Variants in MPRIP observed in about 807,000 individuals in gnomAD.
MPRIP encodes the protein myosin phosphatase Rho-interacting protein.
A neutral mutation model predicts 234.9 loss-of-function variants in MPRIP; 59 were observed. The ratio of observed to expected loss-of-function variants is 0.25; its 90% CI spans 0.20 to 0.31. The LOEUF is 0.31. Among genes scored for constraint, MPRIP ranks in the 10% least tolerant of loss-of-function variants. The pLI is 1.00. For missense variants in MPRIP, 2,436 were observed against 3,071.0 expected (o/e 0.79, Z 4.89); for synonymous variants, 1,144 against 1,263.9 (o/e 0.91, Z 2.01).
chr17:17,154,270 G>T, intron 12 of MPRIP, 36 bp from the exon 13 acceptor site: 2 of 1,587,536 alleles, frequency 1.3e-6, no homozygotes, highest in South Asian at 2.2e-5. Context: ...CACCCTAGGG[G>T]ACAGTCACTG....
At chr17:17,065,742 A>G (rs1185721727) in intron 1 of MPRIP, among the ~76,000 whole-genome samples, 2 of 152,154 alleles carry the variant, frequency 1.3e-5, no homozygotes, top group African/African-American at 2.4e-5. Context: ...GTTAAACTGA[A>G]TATCAGTTGG....
At chr17:17,139,865 C>T (rs531221669) in intron 7 of MPRIP, among the ~76,000 whole-genome samples, 7 of 152,320 alleles carry the variant, frequency 4.6e-5, no homozygotes, top group South Asian at 2.1e-4. Context: ...CCAGGGTGCT[C>T]TGCTAAGCAC....
At chr17:17,055,013 G>A in intron 1 of MPRIP, among the ~76,000 whole-genome samples, 1 of 151,190 alleles carries the variant, frequency 6.6e-6, no homozygotes, top group African/African-American at 2.4e-5. Context: ...TCACGCCACT[G>A]CACTCCAACC....
chr17:17,074,071 A>G (rs1802520603), intron 1 of MPRIP, among the ~76,000 whole-genome samples: 1 of 152,222 alleles, frequency 6.6e-6, no homozygotes, highest in South Asian at 2.1e-4. Context: ...GGCCTCTGGC[A>G]CGTGGCCTGC....
Position 17,167,192 on chromosome 17 carries a change from G to A in MPRIP, c.5601G>A (p.Lys1867=). ...ATGAGAAGGAGCTCCAGCTCTGCAA[G>A]GAGTCCTGGCAAACCCGGGAGCCCT... ...LEYEKELQLC[K]ESWQTREPSC... Residue 1867 remains lysine, a synonymous_variant, in exon 16 of 24, where the codon AAG becomes AAA. Coordinates refer to ENST00000651222, the MANE Select transcript of MPRIP (RefSeq NM_001364716.4). This position sits in a 1 kb window ranked among gnomAD's most constrained non-coding sequence, Gnocchi z 5.9. The A allele has an allele frequency of 7.7e-7, 1 of 1,304,110 alleles. No individual in the cohort carries two copies. The highest frequency in any genetic ancestry group is 1.0e-6 in the Non-Finnish European group (1 of 988,934). 80.8% of individuals were successfully genotyped at this position (1,304,110 alleles called of 1,614,324 possible).
rs1283401061 is a variant in MPRIP at position 17,166,278 on chromosome 17, A to T, written c.4687A>T (p.Arg1563Trp). ...QSELTEQEQV[R>W]LLSDQIALEA... is the part of the protein sequence containing the mutation. ...TGAGTTGACAGAGCAGGAGCAGGTG[A>T]GGCTTCTTTCTGACCAGATTGCTCT... Residue 1563 changes from arginine (R) to tryptophan (W), a missense_variant, in exon 16 of 24, where the codon AGG becomes TGG. Physicochemically the swap from Arg to Trp is moderately radical, Grantham distance 101. This residue lies in a region of MPRIP where 1,998 missense variants were observed against 2,520.3 expected (regional missense o/e 0.79). Transcript: ENST00000651222. The surrounding 1 kb of genome is among the most constrained non-coding windows in gnomAD (Gnocchi z 4.4). 22 of 1,304,276 alleles carry T rather than the reference A, an allele frequency of 1.7e-5. No homozygotes were observed. Among genetic ancestry groups the T allele is most frequent in the Non-Finnish European group, 2.2e-5 (22 of 988,944 alleles). 80.8% of individuals were successfully genotyped at this position (1,304,276 alleles called of 1,614,324 possible).
intron 1 of MPRIP, among the ~76,000 whole-genome samples, chr17:17,044,296 C>A (rs1597702757): frequency 6.6e-6 from 1 of 152,196 alleles, no homozygotes; most frequent in African/African-American, 2.4e-5. Context: ...TAAAGGAGAA[C>A]TTGATTCCTT....
At chr17:17,069,428 G>A (rs1005033660) in intron 1 of MPRIP, among the ~76,000 whole-genome samples, 7 of 148,772 alleles carry the variant, frequency 4.7e-5, no homozygotes, top group African/African-American at 1.7e-4. Context: ...AAATATTTAC[G>A]GATAACTTAG....
In MPRIP at chr17:17,075,829, G is replaced by A. The variant is rs1466507231; in HGVS notation, c.201+42G>A. On this transcript the variant is annotated intron_variant, in intron 2 of 23. Transcript: ENST00000651222. Reference sequence around the variant, plus strand: ...CAACTCTCAGGGAGGAACCAGAGAAGGGACCCATCTAAGGGTGAACTGGCA... The same window carrying A: ...CAACTCTCAGGGAGGAACCAGAGAAAGGACCCATCTAAGGGTGAACTGGCA... The A allele has an allele frequency of 1.9e-6, 3 of 1,587,398 alleles. No homozygotes were observed. The Admixed American group carries it at 5.0e-5, about 27-fold the overall frequency.
chr17:17,129,095 G>A (rs1004939784), intron 4 of MPRIP, among the ~76,000 whole-genome samples: 1 of 152,124 alleles, frequency 6.6e-6, no homozygotes, highest in East Asian at 1.9e-4. Flanking sequence ...GTGGGCTGCC[G>A]GGTCTCTCCT....
intron 19 of MPRIP, 78 bp from the exon 20 acceptor site, chr17:17,175,215 A>G (rs1167434038): frequency 6.2e-7 from 1 of 1,604,864 alleles, no homozygotes; most frequent in East Asian, 2.2e-5. Context: ...AACCTAGGGA[A>G]ATGGCCTTCC....
intron 3 of MPRIP, among the ~76,000 whole-genome samples, chr17:17,094,277 A>G (rs2144167041): frequency 6.6e-6 from 1 of 152,286 alleles, no homozygotes; most frequent in East Asian, 1.9e-4. Flanking sequence ...TGGCTGTAGA[A>G]TGTTAGATGG....
At chr17:17,055,071 T>C (rs2143874742) in intron 1 of MPRIP, among the ~76,000 whole-genome samples, 1 of 152,018 alleles carries the variant, frequency 6.6e-6, no homozygotes, top group Non-Finnish European at 1.5e-5. Context: ...AAAATTTCTT[T>C]TTTTTTTAGA....
At chr17:17,150,102 T>A (rs369256400) in intron 11 of MPRIP, 42 bp from the exon 12 acceptor site, 1 of 1,499,682 alleles carries the variant, frequency 6.7e-7, no homozygotes, top group Admixed American at 1.7e-5. Flanking sequence ...GCATTGGTTC[T>A]ACTTCCTAAA....
chr17:17,062,620 C>T (rs1457927884), intron 1 of MPRIP, among the ~76,000 whole-genome samples: 1 of 152,224 alleles, frequency 6.6e-6, no homozygotes, highest in African/African-American at 2.4e-5. Context: ...AGCAGCGGAG[C>T]CATGAAGGCC....
chr17:17,093,437 A>G (rs574064932), intron 3 of MPRIP, among the ~76,000 whole-genome samples: 17 of 152,276 alleles, frequency 1.1e-4, no homozygotes, highest in African/African-American at 3.8e-4. Flanking sequence ...CTTATTCTGT[A>G]TTCTCATTGG....
At chr17:17,122,981 G>A (rs893852877) in intron 3 of MPRIP, among the ~76,000 whole-genome samples, 1 of 152,252 alleles carries the variant, frequency 6.6e-6, no homozygotes, top group Non-Finnish European at 1.5e-5. Flanking sequence ...TCCATCAACA[G>A]ATGAATGGAT....
chr17:17,049,262 A>C (rs1188310439), intron 1 of MPRIP, among the ~76,000 whole-genome samples: 1 of 152,194 alleles, frequency 6.6e-6, no homozygotes, highest in Non-Finnish European at 1.5e-5. Context: ...GAACTAGATA[A>C]AAGTGCTGGT....
At chr17:17,147,451 C>A in intron 11 of MPRIP, 64 bp downstream of exon 11, 1 of 1,446,000 alleles carries the variant, frequency 6.9e-7, no homozygotes, top group Non-Finnish European at 9.7e-7. Flanking sequence ...GCATCTGGGG[C>A]TAGTAGATCT....
Sources: allele counts gnomAD v4.1 joint callset (sites outside exome capture counted in the v4.1 genomes callset), GRCh38; gene constraint gnomAD v4.1.1; regional missense constraint gnomAD v4.1.1; non-coding constraint Gnocchi (gnomAD v3.1); transcripts MANE v1.5; gene names NCBI Gene and HGNC (gene_info 2026-07-23, HGNC 2026-07-21).